The following PKP1 variants were observed in gnomAD, a reference collection of about 807,000 sequenced individuals.
The protein encoded by PKP1 is plakophilin-1.
A neutral mutation model predicts 76.4 loss-of-function variants in PKP1; 27 were observed. The observed-to-expected ratio is 0.35, with a 90% CI of 0.26 to 0.49. PKP1 has a LOEUF of 0.49. Ranked by LOEUF, PKP1 falls within the 20% of genes least tolerant of loss-of-function variation. The probability of loss-of-function intolerance (pLI) is 0.99; values close to 1 mark genes in which losing one functional copy is unlikely to be tolerated. For missense variants in PKP1, 964 were observed against 955.2 expected (o/e 1.01, Z -0.12); for synonymous variants, 404 against 384.2 (o/e 1.05, Z -0.60).
intron 2 of PKP1, among the ~76,000 whole-genome samples, chr1:201,311,233 A>G (rs1656542878): frequency 6.6e-6 from 1 of 152,156 alleles, no homozygotes; most frequent in Admixed American, 6.5e-5. Context: ...AAAGGCTTTC[A>G]TGGCATATTT....
At chr1:201,303,948 C>T (rs1033066476) in intron 2 of PKP1, among the ~76,000 whole-genome samples, 7 of 152,200 alleles carry the variant, frequency 4.6e-5, no homozygotes, top group Admixed American at 1.3e-4. Flanking sequence ...TGACCTGCCC[C>T]ACGCCTGGCT....
chr1:201,313,040 G>A lies in PKP1; in HGVS notation c.307-126G>A, dbSNP rs367722071. 1.4e-5 allele frequency: 14 copies of A among 1,031,498 alleles called. No individual in the cohort carries two copies. The East Asian group carries it at 2.6e-4, about 19-fold the overall frequency. The allele number at this position is 1,031,498 out of a possible 1,614,324, so 63.9% of individuals were successfully genotyped here. A position where few individuals can be genotyped will look rare whatever the true frequency, so the allele number is the denominator to read the frequency against. On this transcript the variant is annotated intron_variant, in intron 2 of 13. Transcript: ENST00000367324. The stretch of plus-strand genomic sequence containing the variant: ...AGATGATGGCTCAGGTTCCTTCCAC[G>A]CCAAACATTCTGGGATTCTGTAAGC...
At chr1:201,322,655 C>A (rs1779291) in intron 8 of PKP1, among the ~76,000 whole-genome samples, 121,554 of 152,068 alleles carry the variant, frequency 0.8, 50,635 homozygotes, top group East Asian at 0.99. Context: ...CTGTCTGAGT[C>A]TGGAAGAGGA....
intron 4 of PKP1, 79 bp downstream of exon 4, chr1:201,316,776 G>A (rs1656764712): frequency 1.3e-6 from 2 of 1,533,598 alleles, no homozygotes; most frequent in Admixed American, 3.4e-5. Context: ...TTTTAGAGAT[G>A]GGTGAGGGCA....
At chr1:201,283,965 CG>C in intron 1 of PKP1, 61 bp downstream of exon 1, 3 of 1,484,974 alleles carry the variant, frequency 2.0e-6, no homozygotes, top group Non-Finnish European at 2.8e-6. Flanking sequence ...GGCCCAGTGG[CG>C]GGGACCAAGA....
At chr1:201,320,172 C>G (rs1419596397) in intron 6 of PKP1, 95 bp from the exon 7 acceptor site, 3 of 805,742 alleles carry the variant, frequency 3.7e-6, no homozygotes, top group Non-Finnish European at 4.3e-6. Flanking sequence ...CCTGTTCTCT[C>G]TCCTGCCTGT....
chr1:201,323,795 G>T (rs1358074686), intron 9 of PKP1, among the ~76,000 whole-genome samples: 1 of 152,138 alleles, frequency 6.6e-6, no homozygotes, highest in African/African-American at 2.4e-5. Context: ...AACTTCCCTG[G>T]CTGTGAGGAG....
At chr1:201,294,657 T>G (rs545148374) in intron 2 of PKP1, among the ~76,000 whole-genome samples, 1 of 152,346 alleles carries the variant, frequency 6.6e-6, no homozygotes, top group South Asian at 2.1e-4. Context: ...TTTTCAGGAT[T>G]AAATGAACTA....
intron 11 of PKP1, 43 bp from the exon 12 acceptor site, chr1:201,325,711 C>T: frequency 6.8e-7 from 1 of 1,472,518 alleles, no homozygotes; most frequent in Non-Finnish European, 9.5e-7. Context: ...CTTCTCACAC[C>T]TCCTGGAATC....
intron 1 of PKP1, among the ~76,000 whole-genome samples, chr1:201,292,719 C>T (rs1395683330): frequency 6.6e-6 from 1 of 152,162 alleles, no homozygotes; most frequent in African/African-American, 2.4e-5. Flanking sequence ...ACAGGGTTTC[C>T]GATGGGGGAG....
At chr1:201,313,975 C>T (rs1485467695) in intron 3 of PKP1, among the ~76,000 whole-genome samples, 1 of 152,216 alleles carries the variant, frequency 6.6e-6, no homozygotes, top group Admixed American at 6.5e-5. Context: ...TTAACAAGCC[C>T]TTCAGTGATT....
rs1656894421 is a variant in PKP1 at position 201,320,248 on chromosome 1, AC to A, written c.1233-16del. 11 of 1,521,186 alleles carry A rather than the reference AC, an allele frequency of 7.2e-6. No individual in the cohort carries two copies. Among genetic ancestry groups the A allele is most frequent in the Non-Finnish European group, 9.9e-6 (11 of 1,107,894 alleles). The allele number at this position is 1,521,186 out of a possible 1,614,324, so 94.2% of individuals were successfully genotyped here. On this transcript the variant is annotated intron_variant, in intron 6 of 13. Transcript: ENST00000367324. ...CTTCCCCCTTTCTCTGCCCTCTTCC[AC>A]CCTCTTCTCTCCCCCAGGAACCTGA...
intron 11 of PKP1, among the ~76,000 whole-genome samples, 198 bp downstream of exon 11, chr1:201,325,325 C>T (rs1657082414): frequency 6.6e-6 from 1 of 152,162 alleles, no homozygotes; most frequent in African/African-American, 2.4e-5. Context: ...AGCATCCAGG[C>T]CCCAGGGCTG....
Position 201,325,139 on chromosome 1 carries a change from G to T in PKP1, c.2021+12G>T, listed in dbSNP as rs368598636. The T allele has an allele frequency of 1.3e-5, 21 of 1,612,738 alleles. No individual in the cohort carries two copies. In the African/African-American group the frequency reaches 1.7e-4, roughly 13 times the overall value. Reference sequence around the variant, plus strand: ...CTGTGCCGAAGCAGGTGGGCGGGGGGTTGCTCCCACGGGCTGCACCCCAAT... The same window carrying T: ...CTGTGCCGAAGCAGGTGGGCGGGGGTTTGCTCCCACGGGCTGCACCCCAAT... On this transcript the variant is annotated intron_variant, in intron 11 of 13. Coordinates refer to ENST00000367324, the MANE Select transcript of PKP1 (RefSeq NM_001005337.3).
Position 201,293,829 on chromosome 1 carries a change from C to T in PKP1, c.203-113C>T. The T allele has an allele frequency of 5.4e-6, 4 of 738,722 alleles. No individual in the cohort carries two copies. In the South Asian group the frequency reaches 5.9e-5, roughly 11 times the overall value. The allele number at this position is 738,722 out of a possible 1,614,324, so 45.8% of individuals were successfully genotyped here. On this transcript the variant is annotated intron_variant, in intron 1 of 13. Transcript: ENST00000367324. ...CCACCTTCTCCTCCAGGAGCTCAGA[C>T]CTGGTCTCCTCCATGGGCATAGTGG... is the stretch of plus-strand genomic sequence containing the variant.
At chr1:201,326,791 G>T (rs183222321) in intron 12 of PKP1, among the ~76,000 whole-genome samples, 66 of 152,374 alleles carry the variant, frequency 4.3e-4, no homozygotes, top group African/African-American at 1.6e-3. Flanking sequence ...GACCACCATG[G>T]GTTGCATGTG....
At chr1:201,290,085 A>G (rs984471049) in intron 1 of PKP1, among the ~76,000 whole-genome samples, 2 of 152,188 alleles carry the variant, frequency 1.3e-5, no homozygotes, top group Non-Finnish European at 2.9e-5. Flanking sequence ...TGCACCGATG[A>G]CACAAGAAAG....
intron 2 of PKP1, among the ~76,000 whole-genome samples, chr1:201,310,627 C>G (rs116330554): frequency 3.5e-4 from 53 of 152,136 alleles, no homozygotes; most frequent in Admixed American, 2.6e-4. Flanking sequence ...TTGGGGAGGA[C>G]GGGGTCTGAG....
At chr1:201,319,793 C>A in intron 6 of PKP1, 1 of 1,613,466 alleles carries the variant, frequency 6.2e-7, no homozygotes, top group Non-Finnish European at 8.5e-7. Context: ...CCAGCATCAA[C>A]AGGGCTTCTT....
Sources: gnomAD v4.1 joint callset for allele counts (sites outside exome capture counted in the v4.1 genomes callset) on GRCh38, gnomAD v4.1.1 for gene constraint, MANE v1.5 for transcripts, NCBI Gene and HGNC (gene_info 2026-07-23, HGNC 2026-07-21) for gene names.